Variants in GORASP2 observed in about 807,000 individuals in gnomAD.
The protein encoded by GORASP2 is Golgi reassembly-stacking protein 2.
In GORASP2, 22 loss-of-function variants were observed where a neutral mutation model predicts 45.7. The observed-to-expected ratio is 0.48, with a 90% CI of 0.34 to 0.69. The LOEUF is 0.69. GORASP2 is among the 30% of genes least tolerant of loss of function. The pLI is 0.01. For missense variants in GORASP2, 491 were observed against 562.7 expected (o/e 0.87, Z 1.29); for synonymous variants, 221 against 215.6 (o/e 1.02, Z -0.22).
At chr2:170,964,652 CAAAAA>C (rs971995325) in intron 9 of GORASP2, among the ~76,000 whole-genome samples, 1 of 149,284 alleles carries the variant, frequency 6.7e-6, no homozygotes, top group African/African-American at 2.5e-5. Context: ...GACTCCGTCT[CAAAAA>C]AAAATAAAAA....
intron 6 of GORASP2, 110 bp from the exon 7 acceptor site, chr2:170,956,326 G>A: frequency 1.1e-6 from 1 of 922,320 alleles, no homozygotes; most frequent in Non-Finnish European, 1.6e-6. Flanking sequence ...GCTTGTGACA[G>A]CTCATGTGTG....
chr2:170,943,900 T>G (rs937160526), intron 1 of GORASP2, among the ~76,000 whole-genome samples: 1 of 152,154 alleles, frequency 6.6e-6, no homozygotes, highest in Non-Finnish European at 1.5e-5. Flanking sequence ...GGTCTTGAAC[T>G]CCTAGCCTCA....
At chr2:170,933,033 A>G (rs1390504255) in intron 1 of GORASP2, among the ~76,000 whole-genome samples, 2 of 151,960 alleles carry the variant, frequency 1.3e-5, no homozygotes, top group Admixed American at 6.6e-5. Flanking sequence ...TTATTAGTGG[A>G]TGGTGACTTT....
chr2:170,957,062 T>G (rs1704443417), intron 7 of GORASP2, among the ~76,000 whole-genome samples: 1 of 152,220 alleles, frequency 6.6e-6, no homozygotes, highest in Non-Finnish European at 1.5e-5. Flanking sequence ...CACACGGGGT[T>G]TAAACTTCTT....
chr2:170,934,343 C>T (rs1703896370), intron 1 of GORASP2, among the ~76,000 whole-genome samples: 1 of 151,348 alleles, frequency 6.6e-6, no homozygotes, highest in Admixed American at 6.6e-5. Flanking sequence ...TGGCGCATCT[C>T]GGCTCACTGC....
At position 170,949,604 on chromosome 2, in the gene GORASP2, T is replaced by C. The variant is rs1704252409; in HGVS notation, c.210T>C (p.Leu70=). 3 of 1,613,916 alleles carry C rather than the reference T, an allele frequency of 1.9e-6. No individual in the cohort carries two copies. The highest frequency in any genetic ancestry group is 1.3e-5 in the African/African-American group (1 of 75,050). Residue 70 remains leucine (L), a synonymous_variant, in exon 3 of 10, where the codon CTT becomes CTC. Coordinates refer to ENST00000234160, the MANE Select transcript of GORASP2 (RefSeq NM_015530.5). ...ACGTTGAAAAGCCTGTAAAGATGCT[T>C]ATCTATAGCAGCAAAACATTGGAAC... The part of the protein sequence containing the change: ...KANVEKPVKM[L]IYSSKTLELR...
intron 2 of GORASP2, among the ~76,000 whole-genome samples, chr2:170,949,068 T>C (rs569074716): frequency 3.3e-5 from 5 of 152,308 alleles, no homozygotes; most frequent in African/African-American, 1.2e-4. Context: ...ACATCTGGCC[T>C]TTATTTGTTT....
At chr2:170,950,428 G>A (rs1704273773) in intron 4 of GORASP2, 138 bp downstream of exon 4, 2 of 508,854 alleles carry the variant, frequency 3.9e-6, no homozygotes, top group South Asian at 6.7e-5. Context: ...TAAGCCTCAG[G>A]GTGTTAAATG....
At chr2:170,959,762 T>G (rs1257074927) in intron 7 of GORASP2, among the ~76,000 whole-genome samples, 1 of 152,118 alleles carries the variant, frequency 6.6e-6, no homozygotes, top group East Asian at 1.9e-4. Flanking sequence ...TAGAAAAGAT[T>G]TTGAAGTGGC....
At chr2:170,958,435 AATC>A (rs1425140848) in intron 7 of GORASP2, among the ~76,000 whole-genome samples, 1 of 152,128 alleles carries the variant, frequency 6.6e-6, no homozygotes, top group African/African-American at 2.4e-5. Context: ...ATCAGTCTCT[AATC>A]ATAGAGTTGG....
Position 170,951,356 on chromosome 2 carries a change from C to A in GORASP2, c.464C>A (p.Thr155Lys), listed in dbSNP as rs752855485. 5 of 1,609,160 alleles carry A rather than the reference C, an allele frequency of 3.1e-6. No homozygotes were observed. The highest frequency in any genetic ancestry group is 4.2e-6 in the Non-Finnish European group (5 of 1,178,232). ...ESEDLFSLIE[T>K]HEAKPLKLYV... ...GAAGATCTATTCAGCCTTATCGAAA[C>A]ACATGAAGCAAAACCATTGAAACTG... Residue 155 changes from threonine (T) to lysine (K), a missense_variant, in exon 5 of 10, where the codon ACA becomes AAA. Physicochemically the swap from Thr to Lys is moderately conservative, Grantham distance 78. Transcript: ENST00000234160.
chr2:170,962,705 C>T (rs928346261), intron 8 of GORASP2, 134 bp from the exon 9 acceptor site: 2 of 640,710 alleles, frequency 3.1e-6, no homozygotes, highest in Non-Finnish European at 5.7e-6. Context: ...TGTTATGATA[C>T]ACAGCTGCCA....
At chr2:170,959,686 GA>G (rs1176947702) in intron 7 of GORASP2, among the ~76,000 whole-genome samples, 1 of 152,142 alleles carries the variant, frequency 6.6e-6, no homozygotes, top group African/African-American at 2.4e-5. Flanking sequence ...TAACTATAGA[GA>G]AATAAAAGTA....
intron 2 of GORASP2, among the ~76,000 whole-genome samples, chr2:170,948,919 A>G (rs1017343633): frequency 6.6e-6 from 1 of 152,212 alleles, no homozygotes; most frequent in Non-Finnish European, 1.5e-5. Context: ...GTTTACCCAT[A>G]ATAAAGTTCT....
Position 170,966,460 on chromosome 2 carries a change from C to A in GORASP2, c.*330C>A. 1 of 403,564 alleles carries A rather than the reference C, an allele frequency of 2.5e-6. No individual in the cohort carries two copies. The highest frequency in any genetic ancestry group is 2.7e-5 in the South Asian group (1 of 37,508). 25.0% of individuals were successfully genotyped at this position (403,564 alleles called of 1,614,324 possible). ...GGGGCGTCCACTAGGTTTCCTGTCC[C>A]CTGCTGCTCCTTCCGTAAGAAAATG... On this transcript the variant is annotated 3_prime_UTR_variant, in exon 10 of 10. Coordinates refer to ENST00000234160, the MANE Select transcript of GORASP2 (RefSeq NM_015530.5).
intron 1 of GORASP2, among the ~76,000 whole-genome samples, chr2:170,946,845 C>T (rs1268021455): frequency 6.6e-6 from 1 of 151,488 alleles, no homozygotes; most frequent in Non-Finnish European, 1.5e-5. Context: ...GAGGCTGAGG[C>T]ACAAGAATTG....
chr2:170,932,303 T>G (rs183861347), intron 1 of GORASP2, among the ~76,000 whole-genome samples: 1 of 152,368 alleles, frequency 6.6e-6, no homozygotes, highest in African/African-American at 2.4e-5. Context: ...TCCATGCTGT[T>G]GCACACCTCA....
intron 7 of GORASP2, 56 bp downstream of exon 7, chr2:170,956,615 G>A: frequency 6.8e-7 from 1 of 1,471,790 alleles, no homozygotes; most frequent in Non-Finnish European, 9.2e-7. Flanking sequence ...TTATTGCATA[G>A]AATTTTAAAA....
At chr2:170,940,840 T>G (rs1350937399) in intron 1 of GORASP2, among the ~76,000 whole-genome samples, 1 of 152,188 alleles carries the variant, frequency 6.6e-6, no homozygotes, top group South Asian at 2.1e-4. Context: ...ATTGTGATAT[T>G]GTGTTTTGAT....
Sources: allele counts gnomAD v4.1 joint callset (sites outside exome capture counted in the v4.1 genomes callset), GRCh38; gene constraint gnomAD v4.1.1; transcripts MANE v1.5; gene names NCBI Gene and HGNC (gene_info 2026-07-23, HGNC 2026-07-21).